STX8: variants seen among roughly 807,000 people sequenced by gnomAD.
The protein encoded by STX8 is syntaxin 8, also known as syntaxin-8.
STX8 carries 23 observed loss-of-function variants against 37.5 expected under a neutral mutation model. The observed-to-expected ratio is 0.61, with a 90% confidence interval of 0.44 to 0.87. The LOEUF is 0.87. Ranked by LOEUF, STX8 falls within the 40% of genes least tolerant of loss-of-function variation. STX8 has a pLI of 0.00. For missense variants in STX8, 313 were observed against 284.7 expected (o/e 1.10, Z -0.71); for synonymous variants, 115 against 99.1 (o/e 1.16, Z -0.95).
intron 6 of STX8, among the ~76,000 whole-genome samples, chr17:9,430,372 T>C (rs1034325225): frequency 2.0e-5 from 3 of 150,518 alleles, no homozygotes; most frequent in African/African-American, 7.3e-5. Flanking sequence ...TATGTAATAA[T>C]TCCCCATTTC....
chr17:9,269,043 T>C (rs535329663), intron 7 of STX8, among the ~76,000 whole-genome samples: 293 of 151,676 alleles, frequency 1.9e-3, no homozygotes, highest in Middle Eastern at 0.017. Context: ...AAAAATTAGC[T>C]GGGCATGGTG....
At chr17:9,451,690 CAA>C (rs1030613409) in intron 6 of STX8, among the ~76,000 whole-genome samples, 80 of 151,868 alleles carry the variant, frequency 5.3e-4, no homozygotes, top group African/African-American at 1.8e-3. Context: ...GAAAAATACC[CAA>C]GTTGCTAGAT....
At chr17:9,435,866 T>C (rs1376965814) in intron 6 of STX8, among the ~76,000 whole-genome samples, 2 of 152,208 alleles carry the variant, frequency 1.3e-5, no homozygotes, top group East Asian at 3.8e-4. Context: ...CAATATATTT[T>C]ACCTAATAAT....
chr17:9,395,802 A>G (rs1912380632), intron 6 of STX8, among the ~76,000 whole-genome samples: 2 of 152,322 alleles, frequency 1.3e-5, no homozygotes, highest in South Asian at 4.1e-4. Flanking sequence ...AATTATACCC[A>G]GAAGTTCAAA....
chr17:9,402,926 G>A (rs1224183557), intron 6 of STX8, among the ~76,000 whole-genome samples: 1 of 152,186 alleles, frequency 6.6e-6, no homozygotes, highest in African/African-American at 2.4e-5. Flanking sequence ...CATCCCAACT[G>A]TGAGCTCATA....
intron 4 of STX8, among the ~76,000 whole-genome samples, chr17:9,518,728 C>T (rs182574860): frequency 4.6e-5 from 7 of 152,034 alleles, no homozygotes; most frequent in Admixed American, 3.9e-4. Flanking sequence ...ATTAGCTGGG[C>T]GTAGTGGTGG....
intron 6 of STX8, among the ~76,000 whole-genome samples, chr17:9,453,612 C>T (rs935437065): frequency 2.6e-5 from 4 of 151,538 alleles, no homozygotes; most frequent in African/African-American, 9.7e-5. Context: ...CCTGCCTCAG[C>T]CTCCCGAGTA....
At chr17:9,485,620 C>G (rs1173027939) in intron 6 of STX8, among the ~76,000 whole-genome samples, 1 of 149,820 alleles carries the variant, frequency 6.7e-6, no homozygotes. Context: ...GAGTCTTGCT[C>G]TGTCACCCAG....
chr17:9,253,501 T>C (rs1327955007), intron 7 of STX8, among the ~76,000 whole-genome samples: 2 of 152,088 alleles, frequency 1.3e-5, no homozygotes, highest in Non-Finnish European at 2.9e-5. Context: ...TGAAGGTTTA[T>C]GTTGCGCAAC....
At chr17:9,480,921 G>C (rs1906310855) in intron 6 of STX8, among the ~76,000 whole-genome samples, 1 of 147,074 alleles carries the variant, frequency 6.8e-6, no homozygotes, top group Non-Finnish European at 1.5e-5. Context: ...GCCTTGCTCT[G>C]TCGCCCAGGC....
At chr17:9,565,061 A>G (rs1907400327) in intron 2 of STX8, among the ~76,000 whole-genome samples, 1 of 152,006 alleles carries the variant, frequency 6.6e-6, no homozygotes, top group Admixed American at 6.6e-5. Context: ...TACAAAAATT[A>G]GCTGGAAGTG....
At chr17:9,371,328 T>C (rs1434408709) in intron 7 of STX8, among the ~76,000 whole-genome samples, 1 of 152,192 alleles carries the variant, frequency 6.6e-6, no homozygotes, top group Non-Finnish European at 1.5e-5. Flanking sequence ...CAAGTCCTCT[T>C]AAACAGTGAT....
intron 7 of STX8, among the ~76,000 whole-genome samples, chr17:9,304,625 A>C (rs752024191): frequency 2.6e-5 from 4 of 152,070 alleles, no homozygotes; most frequent in Non-Finnish European, 4.4e-5. Context: ...TGACCTACAC[A>C]AATGGTAATT....
chr17:9,299,427 T>C lies in STX8; in HGVS notation c.644-48782A>G, dbSNP rs1597591108. Among the ~76,000 whole-genome samples, 3 of 148,634 alleles carry C rather than the reference T, an allele frequency of 2.0e-5. 1 individual carries two copies. The highest frequency in any genetic ancestry group is 7.4e-5 in the African/African-American group (3 of 40,318). ...AAAGAGGGGATTGCCTGCGTCCGTC[T>C]TCATTCTTACGCTTTTTTTTTTTTT... On this transcript the variant is annotated intron_variant, in intron 7 of 7. Transcript: ENST00000306357.
intron 6 of STX8, among the ~76,000 whole-genome samples, chr17:9,482,888 T>C (rs1469065807): frequency 2.0e-5 from 3 of 152,116 alleles, no homozygotes; most frequent in East Asian, 1.9e-4. Flanking sequence ...CACTACAGCC[T>C]GGGTAACAAG....
At chr17:9,384,819 T>G (rs1311640246) in intron 6 of STX8, among the ~76,000 whole-genome samples, 1 of 151,372 alleles carries the variant, frequency 6.6e-6, no homozygotes, top group African/African-American at 2.4e-5. Context: ...TGTGTGTGTG[T>G]ACATGCACAC....
At chr17:9,290,565 T>A (rs1908279411) in intron 7 of STX8, among the ~76,000 whole-genome samples, 1 of 152,236 alleles carries the variant, frequency 6.6e-6, no homozygotes, top group South Asian at 2.1e-4. Context: ...CAAAACTGCA[T>A]TCACTTCCTT....
At chr17:9,437,570 T>C (rs1172421131) in intron 6 of STX8, among the ~76,000 whole-genome samples, 1 of 152,236 alleles carries the variant, frequency 6.6e-6, no homozygotes, top group Non-Finnish European at 1.5e-5. Context: ...AACCTACAGC[T>C]ACACATTTAC....
chr17:9,307,417 G>C (rs1909039004), intron 7 of STX8, among the ~76,000 whole-genome samples: 1 of 152,214 alleles, frequency 6.6e-6, no homozygotes, highest in Non-Finnish European at 1.5e-5. Context: ...TCTCGGGTCA[G>C]CCAAAGGAGG....
Sources: gnomAD v4.1 joint callset for allele counts (sites outside exome capture counted in the v4.1 genomes callset) on GRCh38, gnomAD v4.1.1 for gene constraint, MANE v1.5 for transcripts, NCBI Gene and HGNC (gene_info 2026-07-23, HGNC 2026-07-21) for gene names.